PEX5L: variants seen among roughly 807,000 people sequenced by gnomAD.
PEX5L encodes the protein PEX5-related protein.
Under a neutral mutation model 84.0 loss-of-function variants are expected in PEX5L, and 30 were observed. The ratio of observed to expected loss-of-function variants is 0.36; its 90% CI spans 0.27 to 0.48. The LOEUF (loss-of-function observed/expected upper bound fraction) is 0.48. PEX5L is among the 20% of genes least tolerant of loss of function. The pLI, the probability that PEX5L is intolerant of heterozygous loss-of-function variation, is 0.99. For missense variants in PEX5L, 533 were observed against 754.6 expected (o/e 0.71, Z 3.44); for synonymous variants, 270 against 283.1 (o/e 0.95, Z 0.46).
chr3:179,940,946 A>G (rs1351360817), intron 2 of PEX5L, among the ~76,000 whole-genome samples: 1 of 152,224 alleles, frequency 6.6e-6, no homozygotes, highest in African/African-American at 2.4e-5. Flanking sequence ...TCCCCAAATC[A>G]TTTAATGAGT....
chr3:179,918,403 T>C (rs1404232049), intron 2 of PEX5L, among the ~76,000 whole-genome samples: 2 of 152,234 alleles, frequency 1.3e-5, no homozygotes, highest in Non-Finnish European at 2.9e-5. Context: ...TACGTCTGAC[T>C]TTCAAATTTA....
intron 1 of PEX5L, among the ~76,000 whole-genome samples, chr3:180,003,142 T>C (rs1188323779): frequency 2.6e-5 from 4 of 152,180 alleles, no homozygotes; most frequent in Non-Finnish European, 5.9e-5. Flanking sequence ...AATACCCTAT[T>C]GAGACTTTTC....
chr3:179,876,981 C>T (rs1333565592), intron 5 of PEX5L, among the ~76,000 whole-genome samples: 1 of 152,184 alleles, frequency 6.6e-6, no homozygotes, highest in Non-Finnish European at 1.5e-5. Context: ...ATGTTTCATA[C>T]ACACCTTACA....
intron 8 of PEX5L, among the ~76,000 whole-genome samples, chr3:179,841,801 C>A (rs888193820): frequency 6.6e-6 from 1 of 152,164 alleles, no homozygotes; most frequent in African/African-American, 2.4e-5. Flanking sequence ...CTATTTTGTG[C>A]ATATTTTACT....
chr3:179,972,372 T>C (rs912278099), intron 1 of PEX5L, among the ~76,000 whole-genome samples: 2 of 152,080 alleles, frequency 1.3e-5, no homozygotes, highest in African/African-American at 4.8e-5. Flanking sequence ...CTATAAATTC[T>C]AAAGTTAGAA....
At chr3:179,871,151 G>A (rs963560430) in intron 7 of PEX5L, among the ~76,000 whole-genome samples, 3 of 139,734 alleles carry the variant, frequency 2.1e-5, no homozygotes, top group African/African-American at 8.2e-5. Flanking sequence ...CACCCAGACT[G>A]GAATGCAGTA....
intron 2 of PEX5L, among the ~76,000 whole-genome samples, chr3:179,910,568 G>A (rs1259819076): frequency 6.6e-6 from 1 of 152,206 alleles, no homozygotes; most frequent in East Asian, 1.9e-4. Context: ...ACCACTGATA[G>A]TTTTTAAATT....
At chr3:179,911,323 C>T (rs747671834) in intron 2 of PEX5L, among the ~76,000 whole-genome samples, 33 of 152,166 alleles carry the variant, frequency 2.2e-4, no homozygotes, top group African/African-American at 4.8e-4. Context: ...TGAGGTTAGG[C>T]GGGGTTTCTG....
At chr3:179,917,047 T>C (rs1767414909) in intron 2 of PEX5L, among the ~76,000 whole-genome samples, 1 of 151,628 alleles carries the variant, frequency 6.6e-6, no homozygotes, top group African/African-American at 2.4e-5. Context: ...TAAAAAAATA[T>C]ATTTTCTGTG....
chr3:180,013,916 A>G (rs1303596232), intron 1 of PEX5L, among the ~76,000 whole-genome samples: 2 of 152,130 alleles, frequency 1.3e-5, no homozygotes, highest in African/African-American at 2.4e-5. Context: ...TCAAATTTTA[A>G]TTTTTTCATT....
intron 1 of PEX5L, among the ~76,000 whole-genome samples, chr3:179,981,577 G>A (rs1786335419): frequency 6.6e-6 from 1 of 151,934 alleles, no homozygotes; most frequent in Non-Finnish European, 1.5e-5. Flanking sequence ...ATATTTTTCT[G>A]TAGTCAAGAA....
chr3:179,969,035 T>C (rs1264209649), intron 2 of PEX5L, among the ~76,000 whole-genome samples: 1 of 152,028 alleles, frequency 6.6e-6, no homozygotes, highest in Non-Finnish European at 1.5e-5. Flanking sequence ...AGCAAGACTG[T>C]AGGCTTTCCG....
chr3:179,873,563 G>A (rs1166161043), intron 7 of PEX5L, among the ~76,000 whole-genome samples: 3 of 152,126 alleles, frequency 2.0e-5, no homozygotes, highest in Non-Finnish European at 4.4e-5. Flanking sequence ...AGGAGATATG[G>A]TCTTAATCAT....
At position 179,976,400 on chromosome 3, in the gene PEX5L, A is replaced by G. The variant is rs9859710; in HGVS notation, c.22-4735T>C. Among the ~76,000 whole-genome samples the G allele has an allele frequency of 8.6e-3, 1,311 of 152,224 alleles. 18 individuals carry two copies. Among genetic ancestry groups the G allele is most frequent in the African/African-American group, 0.03 (1,253 of 41,532 alleles). ...GGTGAGCGTAGGAAGATAGTGAGAA[A>G]AGACTTGTCTTCCCTTAGGAAATCT... On this transcript the variant is annotated intron_variant, in intron 1 of 14. Transcript: ENST00000467460.
intron 2 of PEX5L, among the ~76,000 whole-genome samples, chr3:179,907,454 A>G (rs1209920687): frequency 6.6e-6 from 1 of 152,064 alleles, no homozygotes; most frequent in African/African-American, 2.4e-5. Context: ...CTATGACTAC[A>G]GGTGTGCACC....
intron 2 of PEX5L, among the ~76,000 whole-genome samples, chr3:179,956,500 T>C (rs1320520348): frequency 6.6e-6 from 1 of 152,162 alleles, no homozygotes; most frequent in Non-Finnish European, 1.5e-5. Context: ...CTAGAGTGTA[T>C]TTTTTGGGCA....
chr3:179,874,485 G>T, intron 6 of PEX5L, 62 bp from the exon 7 acceptor site: 2 of 848,064 alleles, frequency 2.4e-6, no homozygotes, highest in South Asian at 1.5e-5. Context: ...TATAAATCCA[G>T]CCAAGAAACT....
chr3:180,031,300 A>T (rs1791441870), intron 1 of PEX5L, among the ~76,000 whole-genome samples: 2 of 152,144 alleles, frequency 1.3e-5, no homozygotes, highest in Non-Finnish European at 2.9e-5. Context: ...ACTGGGAAAG[A>T]AAGTCTCATT....
At position 179,858,682 on chromosome 3, in the gene PEX5L, TAG is replaced by T. The variant is rs1175072344; in HGVS notation, c.822+378_822+379del. ...CTGTTTCAGACATTGTGCTAGATGC[TAG>T]AGAGATAAAAATATAAAGCATGAAC... On this transcript the variant is annotated intron_variant, in intron 8 of 14. Coordinates refer to ENST00000467460, the MANE Select transcript of PEX5L (RefSeq NM_016559.3). Among the ~76,000 whole-genome samples the T allele has an allele frequency of 2.0e-5, 3 of 152,146 alleles. No individual in the cohort carries two copies. In the East Asian group the frequency reaches 5.8e-4, roughly 29 times the overall value.
Sources: allele counts gnomAD v4.1 joint callset (sites outside exome capture counted in the v4.1 genomes callset), GRCh38; gene constraint gnomAD v4.1.1; transcripts MANE v1.5; gene names NCBI Gene and HGNC (gene_info 2026-07-23, HGNC 2026-07-21).